ERBB4: variants seen among roughly 807,000 people sequenced by gnomAD.
ERBB4 encodes the protein erb-b2 receptor tyrosine kinase 4.
ERBB4 carries 42 observed loss-of-function variants against 158.0 expected under a neutral mutation model. The observed-to-expected ratio is 0.27, with a 90% CI of 0.21 to 0.34. The LOEUF is 0.34. ERBB4 is among the 10% of genes least tolerant of loss of function. The pLI, the probability that ERBB4 is intolerant of heterozygous loss-of-function variation, is 1.00. For synonymous variants in ERBB4, 583 were observed against 558.7 expected, an observed-to-expected ratio of 1.04 and a Z score of -0.61; for missense variants, 1,333 against 1,624.1, an observed-to-expected ratio of 0.82 and a Z score of 3.08.
In ERBB4 at chr2:211,630,766, G is replaced by A. The variant is rs368509354; in HGVS notation, c.1947-172C>T. Among the ~76,000 whole-genome samples, 96 of 152,218 alleles carry A rather than the reference G, an allele frequency of 6.3e-4. 2 individuals are homozygous for A. Among genetic ancestry groups the A allele is most frequent in the African/African-American group, 2.1e-3 (86 of 41,548 alleles). ...TTTGCTCTACCAAAACCTTTCTCATGGTAAAAACTATGGTTGTTTTTGTGT... is the reference window on the plus strand; with the variant it reads ...TTTGCTCTACCAAAACCTTTCTCATAGTAAAAACTATGGTTGTTTTTGTGT... On this transcript the variant is annotated intron_variant, in intron 16 of 27. Transcript: ENST00000342788.
intron 2 of ERBB4, among the ~76,000 whole-genome samples, chr2:212,059,277 C>T (rs1484404986): frequency 6.6e-6 from 1 of 152,040 alleles, no homozygotes; most frequent in Non-Finnish European, 1.5e-5. Context: ...AACCACTGCT[C>T]AATGAAATAA....
chr2:211,758,005 G>C (rs1335162370), intron 4 of ERBB4, among the ~76,000 whole-genome samples: 1 of 152,098 alleles, frequency 6.6e-6, no homozygotes, highest in Non-Finnish European at 1.5e-5. Context: ...TAGATTTAAG[G>C]AGAACAGATA....
chr2:212,430,230 C>T (rs2091997208), intron 1 of ERBB4, among the ~76,000 whole-genome samples: 1 of 152,076 alleles, frequency 6.6e-6, no homozygotes, highest in Non-Finnish European at 1.5e-5. Context: ...GTAGAAACCA[C>T]GTGTTAAAAA....
chr2:212,262,786 A>C (rs2084992943), intron 1 of ERBB4, among the ~76,000 whole-genome samples: 1 of 152,144 alleles, frequency 6.6e-6, no homozygotes, highest in Non-Finnish European at 1.5e-5. Flanking sequence ...CTGTAAGCTT[A>C]TGGAACACAT....
intron 1 of ERBB4, among the ~76,000 whole-genome samples, chr2:212,221,553 T>C (rs180890282): frequency 2.6e-5 from 4 of 151,578 alleles, no homozygotes; most frequent in East Asian, 1.9e-4. Flanking sequence ...GCCAAAGACA[T>C]AGATAAATAT....
intron 19 of ERBB4, among the ~76,000 whole-genome samples, chr2:211,580,367 T>A (rs2068029939): frequency 6.6e-6 from 1 of 151,986 alleles, no homozygotes; most frequent in Admixed American, 6.6e-5. Flanking sequence ...AAAGAAGATG[T>A]ACAAAAGGCC....
rs528344512 is a variant in ERBB4, at chr2:212,361,110, T to A, written c.82+177339A>T. Among the ~76,000 whole-genome samples, 119 of 151,710 alleles carry A rather than the reference T, an allele frequency of 7.8e-4. 1 individual carries two copies. The highest frequency in any genetic ancestry group is 2.7e-3 in the African/African-American group (114 of 41,486). On this transcript the variant is annotated intron_variant, in intron 1 of 27. Transcript: ENST00000342788. ...TAGTCTCAGTATTATCCCAAGTCTA[T>A]CCCCAAGGTCCATAAAGAATTTGAA...
chr2:211,409,081 T>C (rs998618636), intron 25 of ERBB4, among the ~76,000 whole-genome samples: 3 of 152,146 alleles, frequency 2.0e-5, no homozygotes, highest in African/African-American at 7.2e-5. Flanking sequence ...TACCATCTCT[T>C]CCATCTTTTA....
chr2:212,271,781 C>T (rs552357752), intron 1 of ERBB4, among the ~76,000 whole-genome samples: 1 of 151,786 alleles, frequency 6.6e-6, no homozygotes, highest in Non-Finnish European at 1.5e-5. Flanking sequence ...GGTAATAATA[C>T]CCCAGGAAGT....
At chr2:212,256,218 C>A (rs192360683) in intron 1 of ERBB4, among the ~76,000 whole-genome samples, 41 of 152,200 alleles carry the variant, frequency 2.7e-4, no homozygotes, top group African/African-American at 8.4e-4. Context: ...CTGATTCTCA[C>A]AAGCACTTTA....
At chr2:212,279,578 C>G (rs1262034807) in intron 1 of ERBB4, among the ~76,000 whole-genome samples, 1 of 151,496 alleles carries the variant, frequency 6.6e-6, no homozygotes, top group Non-Finnish European at 1.5e-5. Context: ...TTCTATTTAT[C>G]TTCATCCCAT....
intron 1 of ERBB4, among the ~76,000 whole-genome samples, chr2:212,401,931 T>C (rs1027019594): frequency 2.0e-5 from 3 of 152,150 alleles, no homozygotes; most frequent in Non-Finnish European, 4.4e-5. Context: ...CTACTGGGAA[T>C]ATAAAATAGC....
chr2:211,437,932 G>A (rs1466491401), intron 20 of ERBB4, among the ~76,000 whole-genome samples: 1 of 152,084 alleles, frequency 6.6e-6, no homozygotes, highest in Non-Finnish European at 1.5e-5. Flanking sequence ...AAAGATATAA[G>A]CATGTTTAAG....
At chr2:212,247,803 A>T (rs2084367675) in intron 1 of ERBB4, among the ~76,000 whole-genome samples, 1 of 152,098 alleles carries the variant, frequency 6.6e-6, no homozygotes, top group African/African-American at 2.4e-5. Context: ...ATCTCTGCTG[A>T]AAATACAAAA....
chr2:211,804,379 A>G (rs2076566644), intron 3 of ERBB4, among the ~76,000 whole-genome samples: 1 of 152,188 alleles, frequency 6.6e-6, no homozygotes, highest in Admixed American at 6.5e-5. Context: ...TAGACGTGGC[A>G]TAGGAGAAAG....
At chr2:211,931,946 T>G (rs1372813720) in intron 3 of ERBB4, among the ~76,000 whole-genome samples, 1 of 152,120 alleles carries the variant, frequency 6.6e-6, no homozygotes, top group Non-Finnish European at 1.5e-5. Context: ...ATACATTGTT[T>G]GCATTTCATT....
At chr2:211,486,926 T>A (rs191781656) in intron 20 of ERBB4, among the ~76,000 whole-genome samples, 3 of 152,132 alleles carry the variant, frequency 2.0e-5, no homozygotes, top group Admixed American at 6.5e-5. Flanking sequence ...GTATAGAATA[T>A]AACAGCTTCA....
At chr2:212,085,300 A>C (rs2125477995) in intron 2 of ERBB4, among the ~76,000 whole-genome samples, 2 of 152,064 alleles carry the variant, frequency 1.3e-5, no homozygotes, top group Middle Eastern at 3.4e-3. Context: ...ACATTAATGA[A>C]AATTTTATAT....
At chr2:212,096,419 A>T (rs75234622) in intron 2 of ERBB4, among the ~76,000 whole-genome samples, 6,622 of 152,250 alleles carry the variant, frequency 0.043, 495 homozygotes, top group African/African-American at 0.15. Context: ...GTTAAATAAC[A>T]TATCTCATAT....
Sources: gnomAD v4.1 joint callset for allele counts (sites outside exome capture counted in the v4.1 genomes callset) on GRCh38, gnomAD v4.1.1 for gene constraint, MANE v1.5 for transcripts, NCBI Gene and HGNC (gene_info 2026-07-23, HGNC 2026-07-21) for gene names.